Variants in UVRAG observed in about 807,000 individuals in gnomAD.
UVRAG encodes the protein UV radiation resistance associated, also known as UV radiation resistance-associated gene protein.
In UVRAG, 19 loss-of-function variants were observed where a neutral mutation model predicts 78.0. The ratio of observed to expected loss-of-function variants is 0.24; its 90% confidence interval spans 0.17 to 0.36. The LOEUF (loss-of-function observed/expected upper bound fraction) is 0.36. UVRAG is among the 10% of genes least tolerant of loss of function. The pLI, the probability that UVRAG is intolerant of heterozygous loss-of-function variation, is 1.00. For synonymous variants in UVRAG, 323 were observed against 324.6 expected, an observed-to-expected ratio of 1.00 and a Z score of 0.05; for missense variants, 740 against 853.8, an observed-to-expected ratio of 0.87 and a Z score of 1.66.
chr11:75,819,732 G>T (rs1045363621), intron 1 of UVRAG, among the ~76,000 whole-genome samples: 1 of 151,706 alleles, frequency 6.6e-6, no homozygotes, highest in African/African-American at 2.4e-5. Context: ...ACTTTGGGAG[G>T]CCGAGGCAGG....
At chr11:75,843,889 G>T (rs1480271259) in intron 1 of UVRAG, among the ~76,000 whole-genome samples, 1 of 151,678 alleles carries the variant, frequency 6.6e-6, no homozygotes, top group African/African-American at 2.4e-5. Flanking sequence ...AGCCCAGGAG[G>T]CAGAGGTTGC....
intron 6 of UVRAG, among the ~76,000 whole-genome samples, chr11:75,946,909 T>C (rs1404261852): frequency 1.3e-5 from 2 of 152,190 alleles, no homozygotes; most frequent in Admixed American, 6.5e-5. Context: ...ACATTTATTT[T>C]CTCAGAGATC....
chr11:76,072,027 G>A (rs1951320311), intron 13 of UVRAG, among the ~76,000 whole-genome samples: 1 of 151,902 alleles, frequency 6.6e-6, no homozygotes, highest in Non-Finnish European at 1.5e-5. Flanking sequence ...TAGAAATTTG[G>A]GACTCATCAA....
intron 1 of UVRAG, among the ~76,000 whole-genome samples, chr11:75,838,174 G>A (rs1409326016): frequency 3.9e-5 from 6 of 151,954 alleles, no homozygotes; most frequent in African/African-American, 1.5e-4. Context: ...ATTCTTTATG[G>A]TCACATAGCA....
intron 12 of UVRAG, among the ~76,000 whole-genome samples, chr11:76,063,227 G>A (rs186217822): frequency 1.9e-4 from 29 of 152,228 alleles, no homozygotes; most frequent in Non-Finnish European, 3.7e-4. Context: ...GTATCATAAG[G>A]GAGACACACA....
At chr11:76,121,990 G>A (rs1310950309) in intron 14 of UVRAG, among the ~76,000 whole-genome samples, 3 of 152,092 alleles carry the variant, frequency 2.0e-5, no homozygotes, top group Non-Finnish European at 2.9e-5. Context: ...TCCCAGCCTG[G>A]CATTACAGAA....
chr11:76,124,679 G>A (rs1320062833), intron 14 of UVRAG, among the ~76,000 whole-genome samples: 1 of 152,228 alleles, frequency 6.6e-6, no homozygotes, highest in African/African-American at 2.4e-5. Context: ...GTTGGGAGAA[G>A]TAACTAGTGG....
intron 11 of UVRAG, among the ~76,000 whole-genome samples, chr11:76,016,190 A>G (rs747160102): frequency 6.6e-6 from 1 of 152,196 alleles, no homozygotes; most frequent in Non-Finnish European, 1.5e-5. Flanking sequence ...CCTATATTAC[A>G]TAAATAGGGT....
chr11:76,037,884 A>T (rs1319955435), intron 12 of UVRAG, among the ~76,000 whole-genome samples: 2 of 152,162 alleles, frequency 1.3e-5, no homozygotes, highest in African/African-American at 4.8e-5. Flanking sequence ...TGTGGGCAAG[A>T]CTTGTGAATA....
At chr11:76,054,804 T>G (rs1238976174) in intron 12 of UVRAG, among the ~76,000 whole-genome samples, 1 of 152,232 alleles carries the variant, frequency 6.6e-6, no homozygotes, top group African/African-American at 2.4e-5. Flanking sequence ...TTTTTTGTCA[T>G]TTTGTTCACT....
At chr11:75,842,676 G>T (rs1945943303) in intron 1 of UVRAG, among the ~76,000 whole-genome samples, 1 of 152,056 alleles carries the variant, frequency 6.6e-6, no homozygotes, top group East Asian at 1.9e-4. Flanking sequence ...TCCTGACCTT[G>T]TGATCTGCTC....
At chr11:75,822,462 A>C (rs1945414567) in intron 1 of UVRAG, among the ~76,000 whole-genome samples, 1 of 152,182 alleles carries the variant, frequency 6.6e-6, no homozygotes, top group South Asian at 2.1e-4. Flanking sequence ...CAATCTCCTT[A>C]GAGTTAGTAT....
At chr11:75,852,039 T>A in intron 2 of UVRAG, 39 bp downstream of exon 2, 3 of 1,414,730 alleles carry the variant, frequency 2.1e-6, no homozygotes, top group Non-Finnish European at 2.9e-6. Context: ...CAGATTGTTA[T>A]ATTTTTATTT....
In UVRAG at chr11:75,857,310, C is replaced by T. The variant is rs567139400; in HGVS notation, c.236-4436C>T. 2.6e-5 allele frequency among the ~76,000 whole-genome samples: 4 copies of T among 152,298 alleles called. No individual in the cohort carries two copies. In the East Asian group the frequency reaches 7.7e-4, roughly 29 times the overall value. ...TCTGGTTCTTGGTTACCTCTCTGAA[C>T]TCATTTTCTGCTACTCTTCCAGCTG... On this transcript the variant is annotated intron_variant, in intron 2 of 14. Transcript: ENST00000356136.
At chr11:76,043,088 CAAAG>C (rs1223252576) in intron 12 of UVRAG, among the ~76,000 whole-genome samples, 1 of 152,138 alleles carries the variant, frequency 6.6e-6, no homozygotes, top group African/African-American at 2.4e-5. Context: ...AATTGGTAAA[CAAAG>C]AAGGCTCACT....
In UVRAG at chr11:76,073,037, A is replaced by G. The variant is rs1951343385; in HGVS notation, c.1305+7249A>G. On this transcript the variant is annotated intron_variant, in intron 13 of 14. Coordinates refer to ENST00000356136, the MANE Select transcript of UVRAG (RefSeq NM_003369.4). ...AAATCAAGGCAGAGGGACTAAACTCAGCTAGCAGTATTTGTCTTCTGTAAG... is the reference window on the plus strand; with the variant it reads ...AAATCAAGGCAGAGGGACTAAACTCGGCTAGCAGTATTTGTCTTCTGTAAG... Among the ~76,000 whole-genome samples, 3 of 152,224 alleles carry G rather than the reference A, an allele frequency of 2.0e-5. No homozygotes were observed. The South Asian group carries it at 6.2e-4, about 31-fold the overall frequency.
chr11:75,997,634 C>T (rs1356321456), intron 8 of UVRAG, among the ~76,000 whole-genome samples: 1 of 152,154 alleles, frequency 6.6e-6, no homozygotes, highest in Non-Finnish European at 1.5e-5. Flanking sequence ...AAGAGGATGT[C>T]ATTGGGATAG....
intron 13 of UVRAG, among the ~76,000 whole-genome samples, chr11:76,083,590 A>C (rs1391612857): frequency 1.3e-5 from 2 of 152,218 alleles, no homozygotes; most frequent in African/African-American, 4.8e-5. Context: ...CAATGTCTAC[A>C]TTTTTAATAC....
intron 4 of UVRAG, among the ~76,000 whole-genome samples, chr11:75,885,618 T>C (rs554817903): frequency 2.4e-4 from 37 of 152,276 alleles, no homozygotes; most frequent in African/African-American, 8.2e-4. Context: ...CGTAAAGATA[T>C]CAAAATACGA....
Sources: gnomAD v4.1 joint callset for allele counts (sites outside exome capture counted in the v4.1 genomes callset) on GRCh38, gnomAD v4.1.1 for gene constraint, MANE v1.5 for transcripts, NCBI Gene and HGNC (gene_info 2026-07-23, HGNC 2026-07-21) for gene names.